Variants in SGCZ observed in about 807,000 individuals in gnomAD.
SGCZ encodes sarcoglycan zeta.
Under a neutral mutation model 41.3 loss-of-function variants are expected in SGCZ, and 40 were observed. That is an observed-to-expected ratio of 0.97 (90% confidence interval 0.75 to 1.26). The LOEUF (loss-of-function observed/expected upper bound fraction) is 1.26. Ranked by LOEUF, SGCZ falls within the 50% of genes most tolerant of loss-of-function variation. The pLI is 0.00. For synonymous variants in SGCZ, 206 were observed against 137.5 expected (o/e 1.50, Z -3.49); for missense variants, 552 against 369.8 (o/e 1.49, Z -4.04).
intron 1 of SGCZ, among the ~76,000 whole-genome samples, chr8:14,585,758 T>A (rs1187922073): frequency 6.6e-6 from 1 of 152,162 alleles, no homozygotes; most frequent in Non-Finnish European, 1.5e-5. Context: ...TAATTGTTTA[T>A]TGCCACAAAA....
intron 1 of SGCZ, among the ~76,000 whole-genome samples, chr8:14,758,641 C>T (rs1028042750): frequency 2.6e-5 from 4 of 152,184 alleles, no homozygotes; most frequent in Non-Finnish European, 4.4e-5. Flanking sequence ...GTGATTGGTG[C>T]ACAGTCAAAT....
intron 4 of SGCZ, among the ~76,000 whole-genome samples, chr8:14,217,195 C>G (rs1195792942): frequency 6.8e-6 from 1 of 146,032 alleles, no homozygotes; most frequent in Non-Finnish European, 1.5e-5. Flanking sequence ...ATTTGGGAGG[C>G]TGAGGCAGGA....
chr8:14,376,015 G>GT (rs1418682415), intron 2 of SGCZ, among the ~76,000 whole-genome samples: 1 of 152,024 alleles, frequency 6.6e-6, no homozygotes, highest in Non-Finnish European at 1.5e-5. Flanking sequence ...GATACAAAAC[G>GT]TAAAACTACA....
chr8:14,623,625 G>T (rs1193595650), intron 1 of SGCZ, among the ~76,000 whole-genome samples: 2 of 152,002 alleles, frequency 1.3e-5, no homozygotes, highest in Non-Finnish European at 2.9e-5. Flanking sequence ...CATTTTCCAG[G>T]TTTCTTTGTA....
At chr8:14,476,880 A>G (rs1339101055) in intron 2 of SGCZ, among the ~76,000 whole-genome samples, 1 of 152,166 alleles carries the variant, frequency 6.6e-6, no homozygotes, top group Admixed American at 6.5e-5. Context: ...ACTTTCAGAA[A>G]GAGACAGACA....
chr8:14,440,561 A>G (rs996737081), intron 2 of SGCZ, among the ~76,000 whole-genome samples: 2 of 152,048 alleles, frequency 1.3e-5, no homozygotes, highest in Non-Finnish European at 2.9e-5. Flanking sequence ...TTCATCTAAT[A>G]TCTCTATTTT....
chr8:14,484,147 G>T (rs574874667), intron 2 of SGCZ, among the ~76,000 whole-genome samples: 9 of 152,222 alleles, frequency 5.9e-5, no homozygotes, highest in African/African-American at 2.2e-4. Context: ...GTACAAACTG[G>T]TTATACACTA....
chr8:14,256,251 A>G (rs7839860), intron 3 of SGCZ, among the ~76,000 whole-genome samples: 58,257 of 151,984 alleles, frequency 0.38, 12,561 homozygotes, highest in Non-Finnish European at 0.5. Flanking sequence ...CCATATAGCC[A>G]TCCTAAGAAA....
intron 1 of SGCZ, among the ~76,000 whole-genome samples, chr8:14,673,179 A>G (rs1382543134): frequency 1.3e-5 from 2 of 152,184 alleles, no homozygotes; most frequent in Non-Finnish European, 2.9e-5. Context: ...TATTGTAACC[A>G]CTATACTGTC....
intron 1 of SGCZ, among the ~76,000 whole-genome samples, chr8:15,012,798 C>CAT (rs369565889): frequency 3.4e-4 from 50 of 147,052 alleles, no homozygotes; most frequent in African/African-American, 4.2e-4. Context: ...TGTGTGTGTG[C>CAT]ATATATATAT....
chr8:15,046,232 T>C (rs1478488955), intron 1 of SGCZ, among the ~76,000 whole-genome samples: 3 of 152,158 alleles, frequency 2.0e-5, no homozygotes, highest in South Asian at 2.1e-4. Flanking sequence ...ACTCTTCACA[T>C]ATACCATGGA....
rs578060158 is a variant in SGCZ at position 14,948,080 on chromosome 8, T to A, written c.39+289505A>T. 3.3e-5 allele frequency among the ~76,000 whole-genome samples: 5 copies of A among 152,192 alleles called. No homozygotes were observed. In the East Asian group the frequency reaches 9.7e-4, roughly 29 times the overall value. ...AGAAGCTTCCACAGACCATAGGAGG[T>A]ACAGGGTTAAGGAGGAAGAGACTGG... On this transcript the variant is annotated intron_variant, in intron 1 of 7. Coordinates refer to ENST00000382080, the MANE Select transcript of SGCZ (RefSeq NM_139167.4).
intron 1 of SGCZ, among the ~76,000 whole-genome samples, chr8:14,761,530 TA>T (rs1474759326): frequency 4.2e-5 from 6 of 142,158 alleles, no homozygotes; most frequent in South Asian, 2.3e-4. Flanking sequence ...TTTATTTATT[TA>T]TTTATTTATT....
intron 4 of SGCZ, among the ~76,000 whole-genome samples, chr8:14,217,648 T>C (rs927668876): frequency 7.6e-6 from 1 of 131,304 alleles, no homozygotes; most frequent in Non-Finnish European, 1.8e-5. Flanking sequence ...TTTTTTTTTT[T>C]TTTGAGACAG....
At chr8:14,747,095 T>C (rs940248542) in intron 1 of SGCZ, among the ~76,000 whole-genome samples, 1 of 152,174 alleles carries the variant, frequency 6.6e-6, no homozygotes, top group Non-Finnish European at 1.5e-5. Context: ...TGGGGTAAGA[T>C]TGTATATTAT....
At chr8:14,195,161 T>G (rs1585220123) in intron 4 of SGCZ, among the ~76,000 whole-genome samples, 1 of 152,192 alleles carries the variant, frequency 6.6e-6, no homozygotes, top group East Asian at 1.9e-4. Context: ...TTTACACAAG[T>G]GTTCAAACAT....
chr8:14,495,114 T>TGTG (rs1801952954), intron 2 of SGCZ, among the ~76,000 whole-genome samples: 1 of 152,114 alleles, frequency 6.6e-6, no homozygotes. Context: ...TCTCAAGGAA[T>TGTG]GTGGATTCAG....
intron 1 of SGCZ, among the ~76,000 whole-genome samples, chr8:14,717,146 A>G (rs1329581573): frequency 6.6e-6 from 1 of 152,110 alleles, no homozygotes; most frequent in African/African-American, 2.4e-5. Context: ...AGATTACTCA[A>G]TATTATTTTG....
chr8:14,970,377 A>C (rs1801251539), intron 1 of SGCZ, among the ~76,000 whole-genome samples: 1 of 152,122 alleles, frequency 6.6e-6, no homozygotes, highest in South Asian at 2.1e-4. Context: ...GTAGATTTTG[A>C]TTTAAACAAA....
Sources: gnomAD v4.1 joint callset for allele counts (sites outside exome capture counted in the v4.1 genomes callset) on GRCh38, gnomAD v4.1.1 for gene constraint, MANE v1.5 for transcripts, NCBI Gene and HGNC (gene_info 2026-07-23, HGNC 2026-07-21) for gene names.